The following EXD2 variants were observed in gnomAD, a reference collection of about 807,000 sequenced individuals.
EXD2 encodes the protein exonuclease 3'-5' domain containing 2.
EXD2 carries 40 observed loss-of-function variants against 62.5 expected under a neutral mutation model. That is an observed-to-expected ratio of 0.64 (90% CI 0.50 to 0.83). The LOEUF (loss-of-function observed/expected upper bound fraction) is 0.83, where lower values mean the gene tolerates loss of function less well. EXD2 is among the 40% of genes least tolerant of loss of function. The probability of loss-of-function intolerance (pLI) is 0.00; values close to 1 mark genes in which losing one functional copy is unlikely to be tolerated. For synonymous variants in EXD2, 239 were observed against 291.9 expected (o/e 0.82, Z 1.85); for missense variants, 671 against 761.8 (o/e 0.88, Z 1.40).
chr14:69,201,160 A>G (rs1442359995), intron 1 of EXD2, among the ~76,000 whole-genome samples: 1 of 151,180 alleles, frequency 6.6e-6, no homozygotes, highest in East Asian at 1.9e-4. Context: ...TATATTTTAC[A>G]TGTATAATAC....
At chr14:69,206,720 C>T (rs762759872) in intron 2 of EXD2, among the ~76,000 whole-genome samples, 7 of 151,536 alleles carry the variant, frequency 4.6e-5, no homozygotes, top group East Asian at 3.9e-4. Flanking sequence ...AGGCTCAAGC[C>T]GTCCACCTGC....
At chr14:69,211,955 G>A (rs1008484738) in intron 3 of EXD2, among the ~76,000 whole-genome samples, 5 of 152,164 alleles carry the variant, frequency 3.3e-5, no homozygotes, top group African/African-American at 1.2e-4. Context: ...ACTCAGGTTG[G>A]ATTCCACATT....
At chr14:69,212,605 C>A (rs1232478487) in intron 3 of EXD2, among the ~76,000 whole-genome samples, 1 of 150,746 alleles carries the variant, frequency 6.6e-6, no homozygotes, top group Non-Finnish European at 1.5e-5. Context: ...GAACCTCGAA[C>A]TCATGGGCTA....
chr14:69,228,593 C>A (rs555803705), intron 3 of EXD2, among the ~76,000 whole-genome samples: 36 of 152,260 alleles, frequency 2.4e-4, no homozygotes, highest in African/African-American at 8.4e-4. Context: ...ATATTTCAGA[C>A]CTTGGCGTTT....
chr14:69,193,162 G>T (rs573244989), intron 1 of EXD2, among the ~76,000 whole-genome samples: 4 of 151,402 alleles, frequency 2.6e-5, no homozygotes, highest in African/African-American at 9.7e-5. Flanking sequence ...AGGTTCAAGC[G>T]ATTCTCCTGC....
Position 69,242,415 on chromosome 14 carries a change from G to A in EXD2, c.*1315G>A, listed in dbSNP as rs187438357. The A allele has an allele frequency of 1.2e-5, 2 of 164,884 alleles. No homozygotes were observed. Among genetic ancestry groups the A allele is most frequent in the Non-Finnish European group, 2.6e-5 (2 of 77,028 alleles). The allele number at this position is 164,884 out of a possible 1,614,324, so 10.2% of individuals were successfully genotyped here. On this transcript the variant is annotated 3_prime_UTR_variant, in exon 10 of 10. Transcript: ENST00000685843. ...ACTTTATAAAACTGGCATTCCTAGG[G>A]GAGGGGCTATTTATCCTACAGGTCC...
intron 8 of EXD2, 64 bp from the exon 9 acceptor site, chr14:69,237,511 G>A: frequency 1.3e-6 from 2 of 1,492,640 alleles, no homozygotes; most frequent in Non-Finnish European, 1.9e-6. Context: ...TAGCCTGTCT[G>A]CTGTCTTCCC....
chr14:69,217,871 A>G (rs2043038785), intron 3 of EXD2, among the ~76,000 whole-genome samples: 1 of 152,210 alleles, frequency 6.6e-6, no homozygotes. Context: ...ACATGAACTC[A>G]TCCTTTTTTA....
At chr14:69,210,810 G>A (rs944756550) in intron 3 of EXD2, among the ~76,000 whole-genome samples, 15 of 151,666 alleles carry the variant, frequency 9.9e-5, no homozygotes, top group African/African-American at 2.7e-4. Context: ...ATCCTGTCTC[G>A]GGGAAAAAAA....
intron 3 of EXD2, among the ~76,000 whole-genome samples, chr14:69,215,607 T>G (rs533099553): frequency 6.6e-6 from 1 of 152,334 alleles, no homozygotes; most frequent in East Asian, 1.9e-4. Context: ...TCCCTATATA[T>G]GAAAATTGCC....
chr14:69,230,703 T>A, intron 5 of EXD2, 105 bp downstream of exon 5: 2 of 1,297,924 alleles, frequency 1.5e-6, no homozygotes, highest in Admixed American at 4.9e-5. Flanking sequence ...TGGATGGAGA[T>A]GCCTTAAAAT....
At chr14:69,213,141 T>C (rs1267929550) in intron 3 of EXD2, among the ~76,000 whole-genome samples, 1 of 149,374 alleles carries the variant, frequency 6.7e-6, no homozygotes, top group African/African-American at 2.5e-5. Context: ...TGGAATGCAG[T>C]TGTGCGATCA....
chr14:69,236,481 T>G lies in EXD2; in HGVS notation c.1231T>G (p.Tyr411Asp), dbSNP rs779305241. ...AGGAAGGCCCGAATCTCCTGGAGACTATTACTTGATGGTTAAAGAGAACCT... is the reference window on the plus strand; with the variant it reads ...AGGAAGGCCCGAATCTCCTGGAGACGATTACTTGATGGTTAAAGAGAACCT... ...PAGRPESPGD[Y>D]YLMVKENLCV... The change falls in exon 8 of 10, where the codon TAT (tyrosine) becomes GAT (aspartate). Residue 411 changes from tyrosine to aspartate, a missense_variant. By Grantham distance (160) the Tyr-to-Asp change is radical. Transcript: ENST00000685843. 1.5e-5 allele frequency: 25 copies of G among 1,614,040 alleles called. No individual in the cohort carries two copies. In the East Asian group the frequency reaches 5.1e-4, roughly 33 times the overall value.
chr14:69,222,555 C>T (rs545024049), intron 3 of EXD2, among the ~76,000 whole-genome samples: 1 of 152,232 alleles, frequency 6.6e-6, no homozygotes, highest in South Asian at 2.1e-4. Context: ...TCTACTTTTT[C>T]CTTTTCTGAT....
chr14:69,237,598 AC>A lies in EXD2; in HGVS notation c.1318del (p.Arg440GlyfsTer8), dbSNP rs777047509. On this transcript the variant is annotated frameshift_variant, in exon 9 of 10. Transcript: ENST00000685843. LOFTEE classifies it high-confidence loss of function. ...AGGAAGAACGTGATTCCACATGAGTACCGGAAGCACTTCCCCATCGAGATGA... is the reference window on the plus strand; with the variant it reads ...AGGAAGAACGTGATTCCACATGAGTACGGAAGCACTTCCCCATCGAGATGA... ...YIRKNVIPHE[Y>X]RKHFPIEMKD... The A allele has an allele frequency of 6.2e-7, 1 of 1,614,164 alleles. No individual in the cohort carries two copies. Among genetic ancestry groups the A allele is most frequent in the Admixed American group, 1.7e-5 (1 of 60,026 alleles).
chr14:69,220,253 G>GTTTTTTGTTTTTTTTTTTTTTTTTTT (rs2043126549), intron 3 of EXD2, among the ~76,000 whole-genome samples: 1 of 35,094 alleles, frequency 2.8e-5, no homozygotes, highest in African/African-American at 1.2e-4. Context: ...TTGTCTCTCT[G>GTTTTTTGTTTTTTTTTTTTTTTTTTT]TTTTTTTTTT....
chr14:69,195,780 GTGAC>G (rs2042185174), intron 1 of EXD2, among the ~76,000 whole-genome samples: 1 of 152,146 alleles, frequency 6.6e-6, no homozygotes, highest in Non-Finnish European at 1.5e-5. Context: ...GTAGTCTTTT[GTGAC>G]TGACTGCTTT....
chr14:69,193,728 GT>G (rs2042108872), intron 1 of EXD2, among the ~76,000 whole-genome samples: 4 of 151,948 alleles, frequency 2.6e-5, no homozygotes, highest in Admixed American at 6.6e-5. Context: ...TTATCAGTCT[GT>G]TATGTGTGTG....
intron 1 of EXD2, among the ~76,000 whole-genome samples, chr14:69,200,709 CAA>C (rs34362953): frequency 2.0e-4 from 29 of 145,772 alleles, no homozygotes; most frequent in South Asian, 2.2e-4. Flanking sequence ...ACCTTGTCTC[CAA>C]AAAAAAAAAG....
Sources: allele counts gnomAD v4.1 joint callset (sites outside exome capture counted in the v4.1 genomes callset), GRCh38; gene constraint gnomAD v4.1.1; transcripts MANE v1.5; gene names NCBI Gene and HGNC (gene_info 2026-07-23, HGNC 2026-07-21).